The following SLCO1B3 variants were observed in gnomAD, a reference collection of about 807,000 sequenced individuals.
SLCO1B3 encodes solute carrier organic anion transporter family member 1B3.
Under a neutral mutation model 71.8 loss-of-function variants are expected in SLCO1B3, and 72 were observed. That is an observed-to-expected ratio of 1.00 (90% CI 0.83 to 1.22). The LOEUF (loss-of-function observed/expected upper bound fraction) is 1.22, where lower values mean the gene tolerates loss of function less well. Among genes scored for constraint, SLCO1B3 ranks in the 50% most tolerant of loss-of-function variants. SLCO1B3 has a pLI of 0.00. For synonymous variants in SLCO1B3, 298 were observed against 278.4 expected, an observed-to-expected ratio of 1.07 and a Z score of -0.70; for missense variants, 911 against 819.7, an observed-to-expected ratio of 1.11 and a Z score of -1.36.
chr12:20,872,034 A>C (rs1002109684), intron 8 of SLCO1B3, among the ~76,000 whole-genome samples: 4 of 152,018 alleles, frequency 2.6e-5, no homozygotes, highest in African/African-American at 9.7e-5. Flanking sequence ...TGGAGCAAAA[A>C]ACCCTTGCAA....
chr12:20,815,826 G>T lies in SLCO1B3; in HGVS notation c.84+4G>T, dbSNP rs745685115. On this transcript the variant is annotated splice_donor_region_variant and intron_variant, in intron 3 of 15. Coordinates refer to ENST00000381545, the MANE Select transcript of SLCO1B3 (RefSeq NM_019844.4). Reference sequence around the variant, plus strand: ...AAGACGCTGCAATGGATTCAAGGTAGAATGGGTTTTATATTTTCAAACTAA... The same window carrying T: ...AAGACGCTGCAATGGATTCAAGGTATAATGGGTTTTATATTTTCAAACTAA... The T allele has an allele frequency of 1.3e-6, 2 of 1,558,364 alleles. No homozygotes were observed. Among genetic ancestry groups the T allele is most frequent in the Admixed American group, 1.8e-5 (1 of 54,874 alleles).
In SLCO1B3 at chr12:20,877,911, T is replaced by C. The variant is rs1273541212; in HGVS notation, c.1110T>C (p.Ser370=). 1.3e-6 allele frequency: 2 copies of C among 1,590,788 alleles called. No homozygotes were observed. The highest frequency in any genetic ancestry group is 1.7e-6 in the Non-Finnish European group (2 of 1,171,254). ...ATATGGAGCAACAGTACGGTCAGTC[T>C]GCATCTCATGCTAACTTTTTGTTGG... ...FKYMEQQYGQ[S]ASHANFLLGI... is the part of the protein sequence containing the mutation. Residue 370 remains serine (S), a synonymous_variant, in exon 10 of 16, where the codon TCT becomes TCC. Transcript: ENST00000381545.
intron 12 of SLCO1B3, among the ~76,000 whole-genome samples, chr12:20,882,147 A>G (rs1199692282): frequency 6.6e-6 from 1 of 152,168 alleles, no homozygotes; most frequent in Non-Finnish European, 1.5e-5. Flanking sequence ...AAGAGAGGTG[A>G]TATTAGTATC....
chr12:20,912,189 G>A (rs1415151451), intron 15 of SLCO1B3, among the ~76,000 whole-genome samples: 3 of 151,782 alleles, frequency 2.0e-5, no homozygotes, highest in Non-Finnish European at 4.4e-5. Flanking sequence ...CACAGATTTT[G>A]AGACTTTCCA....
Position 20,819,978 on chromosome 12 carries a change from C to T in SLCO1B3, c.84+4156C>T, listed in dbSNP as rs570751077. Among the ~76,000 whole-genome samples, 24 of 151,528 alleles carry T rather than the reference C, an allele frequency of 1.6e-4. No individual in the cohort carries two copies. In the East Asian group the frequency reaches 3.1e-3, roughly 20 times the overall value. On this transcript the variant is annotated intron_variant, in intron 3 of 15. Coordinates refer to ENST00000381545, the MANE Select transcript of SLCO1B3 (RefSeq NM_019844.4). The stretch of plus-strand genomic sequence containing the variant: ...AGCAGATAATTTGGTTAAAATATCT[C>T]GGCCTAATAAGGGAACTGGGCAGGT...
At chr12:20,891,450 A>C (rs954765106) in intron 13 of SLCO1B3, among the ~76,000 whole-genome samples, 1 of 151,978 alleles carries the variant, frequency 6.6e-6, no homozygotes, top group Non-Finnish European at 1.5e-5. Flanking sequence ...GCCACGTTTA[A>C]GATTTTTAAA....
chr12:20,815,910 T>G, intron 3 of SLCO1B3, 88 bp downstream of exon 3: 2 of 631,578 alleles, frequency 3.2e-6, no homozygotes, highest in Non-Finnish European at 5.3e-6. Context: ...AAAAGAACAT[T>G]ATATCTCATA....
At chr12:20,822,581 G>C (rs566703012) in intron 3 of SLCO1B3, among the ~76,000 whole-genome samples, 1 of 152,150 alleles carries the variant, frequency 6.6e-6, no homozygotes, top group Non-Finnish European at 1.5e-5. Flanking sequence ...AAGTCACAGG[G>C]GATGGGATGG....
chr12:20,863,735 A>G (rs1865318698), intron 8 of SLCO1B3, among the ~76,000 whole-genome samples: 1 of 152,074 alleles, frequency 6.6e-6, no homozygotes, highest in South Asian at 2.1e-4. Flanking sequence ...CTGTTTCTCA[A>G]TTTATCTTCA....
rs755365122 is a variant in SLCO1B3 at position 20,875,399 on chromosome 12, G to T, written c.892G>T (p.Val298Leu). The change falls in exon 9 of 16, where the codon GTG becomes TTG. Residue 298 changes from valine (V) to leucine (L), a missense_variant. By Grantham distance (32) the Val-to-Leu change is conservative. Transcript: ENST00000381545. ...AAGAAAAATTTCACTATCATTGCAT[G>T]TGCTGAAAACAAATGATGATAGAAA... ...KERKISLSLH[V>L]LKTNDDRNQT... The T allele has an allele frequency of 1.2e-6, 2 of 1,609,992 alleles. No homozygotes were observed. Among genetic ancestry groups the T allele is most frequent in the Non-Finnish European group, 1.7e-6 (2 of 1,178,710 alleles).
chr12:20,869,352 T>G (rs2121275541), intron 8 of SLCO1B3, among the ~76,000 whole-genome samples: 1 of 152,308 alleles, frequency 6.6e-6, no homozygotes, highest in East Asian at 1.9e-4. Flanking sequence ...TCCCCTCAGC[T>G]TCTGTCTCTG....
intron 3 of SLCO1B3, among the ~76,000 whole-genome samples, chr12:20,831,649 T>C (rs1381166914): frequency 6.6e-6 from 1 of 152,220 alleles, no homozygotes; most frequent in Non-Finnish European, 1.5e-5. Context: ...ATTTTAATTT[T>C]TTATGAAGTT....
In SLCO1B3 at chr12:20,880,902, A is replaced by C. The variant is rs898973673; in HGVS notation, c.1379A>C (p.Asn460Thr). ...SHVDVPLSYCNSECNCDESQW... is the reference protein window; with the variant it reads ...SHVDVPLSYCTSECNCDESQW... ...GTAGATGTACCACTTTCTTATTGCA[A>C]CTCAGAGTGCAATTGTGATGAAAGT... The change falls in exon 12 of 16, where the codon AAC (asparagine) becomes ACC (threonine). Residue 460 changes from asparagine to threonine, a missense_variant. By Grantham distance (65) the Asn-to-Thr change is moderately conservative. Coordinates refer to ENST00000381545, the MANE Select transcript of SLCO1B3 (RefSeq NM_019844.4). 16 of 1,610,614 alleles carry C rather than the reference A, an allele frequency of 9.9e-6. No individual in the cohort carries two copies. Among genetic ancestry groups the C allele is most frequent in the Non-Finnish European group, 1.2e-5 (14 of 1,177,086 alleles).
In SLCO1B3 at chr12:20,819,815, G is replaced by A. The variant is rs374951053; in HGVS notation, c.84+3993G>A. On this transcript the variant is annotated intron_variant, in intron 3 of 15. Coordinates refer to ENST00000381545, the MANE Select transcript of SLCO1B3 (RefSeq NM_019844.4). ...ATGAGATGATAAGGGGTGCATGATC[G>A]GTCACCAAGGAGGGAGTAGAGGTAT... Among the ~76,000 whole-genome samples, 108 of 152,162 alleles carry A rather than the reference G, an allele frequency of 7.1e-4. 1 individual carries two copies. Among genetic ancestry groups the A allele is most frequent in the East Asian group, 3.1e-3 (16 of 5,142 alleles).
chr12:20,861,334 C>T (rs558982770), intron 6 of SLCO1B3, among the ~76,000 whole-genome samples, 196 bp downstream of exon 6: 2 of 97,738 alleles, frequency 2.0e-5, no homozygotes, highest in African/African-American at 5.6e-5. Context: ...TGCACCTGTT[C>T]GCTTATATGC....
intron 3 of SLCO1B3, among the ~76,000 whole-genome samples, chr12:20,832,332 T>A (rs1864559250): frequency 6.6e-6 from 1 of 152,322 alleles, no homozygotes; most frequent in East Asian, 1.9e-4. Context: ...GATTATTTTC[T>A]ACCATTATTT....
At chr12:20,885,070 A>C (rs1035101800) in intron 13 of SLCO1B3, among the ~76,000 whole-genome samples, 3 of 152,138 alleles carry the variant, frequency 2.0e-5, no homozygotes, top group African/African-American at 7.2e-5. Flanking sequence ...TTCATGAGAA[A>C]AGGAGAGTTT....
chr12:20,845,095 C>A, intron 3 of SLCO1B3: 1 of 416,126 alleles, frequency 2.4e-6, no homozygotes. Flanking sequence ...CATTGCTAAC[C>A]AAGGTGATGG....
At chr12:20,852,312 A>G (rs1865041505) in intron 3 of SLCO1B3, among the ~76,000 whole-genome samples, 2 of 151,982 alleles carry the variant, frequency 1.3e-5, no homozygotes, top group African/African-American at 4.8e-5. Context: ...AAGATGCCAC[A>G]TCTTTAAAAA....
Sources: allele counts gnomAD v4.1 joint callset (sites outside exome capture counted in the v4.1 genomes callset), GRCh38; gene constraint gnomAD v4.1.1; transcripts MANE v1.5; gene names NCBI Gene and HGNC (gene_info 2026-07-23, HGNC 2026-07-21).